The following SYBU variants were observed in gnomAD, a reference collection of about 807,000 sequenced individuals.
SYBU encodes the protein syntabulin, also known as GOLSYN A protein.
SYBU carries 21 observed loss-of-function variants against 35.9 expected under a neutral mutation model. The ratio of observed to expected loss-of-function variants is 0.58; its 90% CI spans 0.41 to 0.84. The LOEUF is 0.84. Ranked by LOEUF, SYBU falls within the 40% of genes least tolerant of loss-of-function variation. The pLI, the probability that SYBU is intolerant of heterozygous loss-of-function variation, is 0.00. For missense variants in SYBU, 768 were observed against 848.2 expected (o/e 0.91, Z 1.17); for synonymous variants, 319 against 324.3 (o/e 0.98, Z 0.18).
intron 2 of SYBU, among the ~76,000 whole-genome samples, chr8:109,633,957 C>G (rs141788551): frequency 6.6e-6 from 1 of 152,144 alleles, no homozygotes. Flanking sequence ...TGATCTCTAA[C>G]TCCTGGCCTC....
intron 3 of SYBU, among the ~76,000 whole-genome samples, chr8:109,599,846 T>G (rs931358287): frequency 6.6e-6 from 1 of 152,198 alleles, no homozygotes; most frequent in African/African-American, 2.4e-5. Flanking sequence ...TGTCATACCA[T>G]AACCACTGCC....
chr8:109,659,684 C>T (rs1274940522), intron 1 of SYBU, among the ~76,000 whole-genome samples: 2 of 152,150 alleles, frequency 1.3e-5, no homozygotes, highest in East Asian at 1.9e-4. Context: ...TCGGTTGTTC[C>T]CTTCTACTAC....
intron 3 of SYBU, among the ~76,000 whole-genome samples, chr8:109,599,233 G>T (rs193125756): frequency 1.3e-5 from 2 of 152,204 alleles, no homozygotes; most frequent in Admixed American, 6.5e-5. Flanking sequence ...AAACCCTGGG[G>T]CTGTGTCATT....
chr8:109,612,097 T>C (rs1811237589), intron 3 of SYBU, among the ~76,000 whole-genome samples: 1 of 152,210 alleles, frequency 6.6e-6, no homozygotes. Context: ...CTACCCTGTT[T>C]AAAATCCATT....
At chr8:109,669,114 A>G (rs970930467) in intron 1 of SYBU, among the ~76,000 whole-genome samples, 10 of 152,180 alleles carry the variant, frequency 6.6e-5, no homozygotes, top group East Asian at 1.9e-4. Context: ...AGGCTGAGGC[A>G]GGTGGATCAC....
In SYBU at chr8:109,575,322, G is replaced by A. The variant is rs1822116054; in HGVS notation, c.1576C>T (p.Pro526Ser). The change falls in exon 7 of 7, where the codon CCA becomes TCA. Residue 526 changes from proline (P) to serine (S), a missense_variant. Coordinates refer to ENST00000276646, the MANE Select transcript of SYBU (RefSeq NM_001099754.2). ...TCTGGGAAGCTCTCCATCGAGTCTG[G>A]TTCAGACTCATCAGGGGACGCCAAG... is the stretch of plus-strand genomic sequence containing the variant. ...SSLASPDESE[P>S]DSMESFPESL... The A allele has an allele frequency of 6.2e-7, 1 of 1,614,122 alleles. No individual in the cohort carries two copies. Among genetic ancestry groups the A allele is most frequent in the Non-Finnish European group, 8.5e-7 (1 of 1,179,980 alleles).
chr8:109,592,978 C>T (rs1424924963), intron 3 of SYBU, among the ~76,000 whole-genome samples: 1 of 152,094 alleles, frequency 6.6e-6, no homozygotes, highest in African/African-American at 2.4e-5. Context: ...TTGACACACT[C>T]ATAAATACGA....
intron 2 of SYBU, among the ~76,000 whole-genome samples, chr8:109,619,419 G>T (rs1812189552): frequency 1.3e-5 from 2 of 151,824 alleles, no homozygotes. Flanking sequence ...TACAGACAGG[G>T]TTTCACCATG....
Position 109,632,648 on chromosome 8 carries a change from T to TA in SYBU, c.229+10079dup, listed in dbSNP as rs11296848. On this transcript the variant is annotated intron_variant, in intron 2 of 6. Coordinates refer to ENST00000276646, the MANE Select transcript of SYBU (RefSeq NM_001099754.2). ...TATATCATGGAATTTACTTCTTTTT[T>TA]AAAAAAAAGAACAAAAGAAGAAAAT... is the stretch of plus-strand genomic sequence containing the variant. 4.6e-5 allele frequency among the ~76,000 whole-genome samples: 7 copies of TA among 151,872 alleles called. No homozygotes were observed. The South Asian group carries it at 6.2e-4, about 14-fold the overall frequency.
chr8:109,664,882 C>T (rs1816701172), intron 1 of SYBU, among the ~76,000 whole-genome samples: 1 of 152,138 alleles, frequency 6.6e-6, no homozygotes, highest in African/African-American at 2.4e-5. Context: ...GCAGAAGTTT[C>T]CTATAGGGCA....
rs3134346 is a variant in SYBU at position 109,622,246 on chromosome 8, T to A, written c.230-3207A>T. Among the ~76,000 whole-genome samples the A allele has an allele frequency of 2.4e-3, 300 of 123,940 alleles. 1 individual carries two copies. The highest frequency in any genetic ancestry group is 7.9e-3 in the East Asian group (17 of 2,154). The allele number at this position is 123,940 out of a possible 152,430, so 81.3% of individuals were successfully genotyped here. On this transcript the variant is annotated intron_variant, in intron 2 of 6. Transcript: ENST00000276646. The stretch of plus-strand genomic sequence containing the variant: ...CTATCATCTATCTATCTATCTATCT[T>A]TTTAAGACAGAGTCTCGCTCTGTCG...
At position 109,642,714 on chromosome 8, in the gene SYBU, C is replaced by A. The variant is rs1308125562; in HGVS notation, c.229+14G>T. Reference sequence around the variant, plus strand: ...ACGCTTCACGCCTCTGGTGGCCTCCCGAGGGTACTGTACCTGAGCAGAAGC... The same window carrying A: ...ACGCTTCACGCCTCTGGTGGCCTCCAGAGGGTACTGTACCTGAGCAGAAGC... On this transcript the variant is annotated intron_variant, in intron 2 of 6. Transcript: ENST00000276646. The A allele has an allele frequency of 6.4e-7, 1 of 1,561,960 alleles. No homozygotes were observed. Among genetic ancestry groups the A allele is most frequent in the Non-Finnish European group, 8.7e-7 (1 of 1,153,064 alleles).
intron 2 of SYBU, among the ~76,000 whole-genome samples, chr8:109,628,820 C>A (rs1349190300): frequency 6.8e-6 from 1 of 146,212 alleles, no homozygotes; most frequent in South Asian, 2.2e-4. Context: ...ACATCCGTCT[C>A]AAAAAAAAAA....
intron 3 of SYBU, among the ~76,000 whole-genome samples, chr8:109,612,744 C>T (rs988573348): frequency 6.6e-6 from 1 of 152,048 alleles, no homozygotes; most frequent in African/African-American, 2.4e-5. Flanking sequence ...CTCTGGGAGG[C>T]CAAGGCGGGC....
chr8:109,688,418 C>T (rs1474866331), intron 1 of SYBU, among the ~76,000 whole-genome samples: 1 of 152,176 alleles, frequency 6.6e-6, no homozygotes, highest in African/African-American at 2.4e-5. Flanking sequence ...TACCTGCTGT[C>T]GGTCTACAAG....
chr8:109,648,355 A>G (rs1406606186), upstream of SYBU, among the ~76,000 whole-genome samples: 2 of 150,034 alleles, frequency 1.3e-5, no homozygotes, highest in Non-Finnish European at 3.0e-5. Context: ...TCTTTATATA[A>G]TTATTCCCTC....
In SYBU at chr8:109,618,885, G is replaced by A. The variant is rs1812118320; in HGVS notation, c.384C>T (p.Ser128=). ...ACTTTGATTCCTTCTTATATCGAGA[G>A]GACTGAATGCTTCCTTCACCAACCA... ...IGMVGEGSIQ[S]SRYKKESKSG... Residue 128 remains serine, a synonymous_variant, in exon 3 of 7, where the codon TCC becomes TCT. Coordinates refer to ENST00000276646, the MANE Select transcript of SYBU (RefSeq NM_001099754.2). The A allele has an allele frequency of 1.2e-6, 2 of 1,614,052 alleles. No individual in the cohort carries two copies. Among genetic ancestry groups the A allele is most frequent in the African/African-American group, 1.3e-5 (1 of 74,930 alleles).
chr8:109,627,947 G>T (rs1813159751), intron 2 of SYBU, among the ~76,000 whole-genome samples: 1 of 152,100 alleles, frequency 6.6e-6, no homozygotes, highest in Non-Finnish European at 1.5e-5. Context: ...TTTTGTAGTG[G>T]GAACTCAGAG....
chr8:109,687,521 G>A (rs1007189713), intron 1 of SYBU, among the ~76,000 whole-genome samples: 2 of 152,092 alleles, frequency 1.3e-5, no homozygotes, highest in Non-Finnish European at 2.9e-5. Context: ...ATTTTCAAAA[G>A]CCAGAGAGAA....
Sources: allele counts gnomAD v4.1 joint callset (sites outside exome capture counted in the v4.1 genomes callset), GRCh38; gene constraint gnomAD v4.1.1; transcripts MANE v1.5; gene names NCBI Gene and HGNC (gene_info 2026-07-23, HGNC 2026-07-21).